The following MAGI1 variants were observed in gnomAD, a reference collection of about 807,000 sequenced individuals.
MAGI1 encodes the protein membrane-associated guanylate kinase, WW and PDZ domain-containing protein 1.
In MAGI1, 58 loss-of-function variants were observed where a neutral mutation model predicts 139.9. The ratio of observed to expected loss-of-function variants is 0.41; its 90% CI spans 0.34 to 0.52. The LOEUF (loss-of-function observed/expected upper bound fraction) is 0.52. Ranked by LOEUF, MAGI1 falls within the 20% of genes least tolerant of loss-of-function variation. The pLI is 0.12. For synonymous variants in MAGI1, 812 were observed against 737.9 expected (o/e 1.10, Z -1.63); for missense variants, 1,874 against 1,901.6 (o/e 0.99, Z 0.27).
At chr3:65,688,504 G>T in intron 1 of MAGI1, 1 of 445,534 alleles carries the variant, frequency 2.2e-6, no homozygotes, top group South Asian at 1.9e-5. Context: ...CAAGGGGGAA[G>T]ACTGAGGCTT....
rs112220299 is a variant in MAGI1, at chr3:65,779,522, C to T, written c.314-157434G>A. On this transcript the variant is annotated intron_variant, in intron 1 of 22. Coordinates refer to ENST00000402939, the MANE Select transcript of MAGI1 (RefSeq NM_001033057.2). ...ACTGTGAGATGATTTAAAAAGCAAA[C>T]TTTAGAAAGGTAAAGTTGAATCTCA... is the stretch of plus-strand genomic sequence containing the variant. Among the ~76,000 whole-genome samples, 1,219 of 152,334 alleles carry T rather than the reference C, an allele frequency of 8.0e-3. 16 individuals are homozygous for T. Among genetic ancestry groups the T allele is most frequent in the African/African-American group, 0.028 (1,147 of 41,584 alleles).
intron 1 of MAGI1, among the ~76,000 whole-genome samples, chr3:65,964,885 T>C (rs1453704972): frequency 1.3e-5 from 2 of 152,180 alleles, no homozygotes; most frequent in Non-Finnish European, 2.9e-5. Context: ...TTTGTGGATG[T>C]CCAGGCCACA....
At chr3:65,545,158 C>T (rs1524966) in intron 2 of MAGI1, among the ~76,000 whole-genome samples, 129,608 of 152,106 alleles carry the variant, frequency 0.85, 55,865 homozygotes, top group East Asian at 0.95. Context: ...CCTCATAATG[C>T]GTCACTTCTG....
At chr3:65,506,977 T>A (rs973407830) in intron 2 of MAGI1, among the ~76,000 whole-genome samples, 29 of 152,202 alleles carry the variant, frequency 1.9e-4, no homozygotes, top group Admixed American at 1.9e-3. Flanking sequence ...TACAGCGAAA[T>A]AGTCACGAAC....
chr3:65,357,556 T>C (rs1440803324), intron 22 of MAGI1, among the ~76,000 whole-genome samples: 2 of 151,458 alleles, frequency 1.3e-5, no homozygotes, highest in Admixed American at 6.6e-5. Flanking sequence ...TTCTTTGCTT[T>C]AAAGAATACT....
intron 2 of MAGI1, among the ~76,000 whole-genome samples, chr3:65,586,304 T>G (rs1559695159): frequency 6.6e-6 from 1 of 152,140 alleles, no homozygotes; most frequent in African/African-American, 2.4e-5. Flanking sequence ...TTATCCCACT[T>G]ACATGATATT....
chr3:65,898,858 T>C (rs1377639548), intron 1 of MAGI1, among the ~76,000 whole-genome samples: 1 of 152,196 alleles, frequency 6.6e-6, no homozygotes, highest in East Asian at 1.9e-4. Flanking sequence ...ATGTACCCCA[T>C]GAATATGTAC....
intron 2 of MAGI1, among the ~76,000 whole-genome samples, chr3:65,580,585 A>C (rs902903518): frequency 2.6e-5 from 4 of 152,218 alleles, no homozygotes; most frequent in African/African-American, 9.7e-5. Context: ...ACACCAGGAC[A>C]ATTAGAGCTG....
At chr3:65,634,909 T>G (rs1315989839) in intron 1 of MAGI1, among the ~76,000 whole-genome samples, 1 of 152,202 alleles carries the variant, frequency 6.6e-6, no homozygotes, top group Non-Finnish European at 1.5e-5. Context: ...TCATGATATC[T>G]GTACCCTAAA....
intron 2 of MAGI1, among the ~76,000 whole-genome samples, chr3:65,506,248 A>G (rs982768333): frequency 2.0e-5 from 3 of 152,184 alleles, no homozygotes; most frequent in East Asian, 3.9e-4. Context: ...TGCATGCCTC[A>G]TAAGACTGTG....
chr3:65,858,085 G>T (rs1480311614), intron 1 of MAGI1, among the ~76,000 whole-genome samples: 1 of 151,106 alleles, frequency 6.6e-6, no homozygotes, highest in African/African-American at 2.4e-5. Context: ...CTCCAGCCTG[G>T]GTGACAGAGA....
chr3:65,740,359 C>T (rs535355760), intron 1 of MAGI1, among the ~76,000 whole-genome samples: 38 of 152,194 alleles, frequency 2.5e-4, no homozygotes, highest in African/African-American at 9.2e-4. Context: ...AATTACTATC[C>T]CCATTGTACC....
intron 1 of MAGI1, among the ~76,000 whole-genome samples, chr3:65,931,590 A>C (rs2062810237): frequency 6.6e-6 from 1 of 152,212 alleles, no homozygotes; most frequent in Non-Finnish European, 1.5e-5. Context: ...ATTTGAGCCC[A>C]GAAGTCAAGG....
At chr3:65,607,683 C>G (rs1422846118) in intron 2 of MAGI1, among the ~76,000 whole-genome samples, 1 of 152,142 alleles carries the variant, frequency 6.6e-6, no homozygotes, top group Non-Finnish European at 1.5e-5. Context: ...AGTCCTATGT[C>G]TATATTTTAT....
chr3:65,897,815 A>T (rs1052720865), intron 1 of MAGI1, among the ~76,000 whole-genome samples: 4 of 151,898 alleles, frequency 2.6e-5, no homozygotes, highest in African/African-American at 9.7e-5. Context: ...GTGAGCTATG[A>T]TAGCACCACC....
At chr3:65,977,277 C>T (rs966334194) in intron 1 of MAGI1, among the ~76,000 whole-genome samples, 4 of 152,148 alleles carry the variant, frequency 2.6e-5, no homozygotes, top group African/African-American at 9.7e-5. Flanking sequence ...GTCACTGTCA[C>T]CCTCAACCTA....
chr3:66,017,208 C>T (rs376958253), intron 1 of MAGI1, among the ~76,000 whole-genome samples: 11 of 152,324 alleles, frequency 7.2e-5, no homozygotes, highest in African/African-American at 2.2e-4. Flanking sequence ...GTTGCACTGC[C>T]GGGAACCCCA....
chr3:65,877,661 T>C (rs1424585412), intron 1 of MAGI1, among the ~76,000 whole-genome samples: 1 of 152,144 alleles, frequency 6.6e-6, no homozygotes, highest in East Asian at 1.9e-4. Context: ...GTTCAAGCAA[T>C]TCTCCTGCCT....
Position 66,035,906 on chromosome 3 carries a change from T to G in MAGI1, c.313+2090A>C, listed in dbSNP as rs151095587. 3.9e-3 allele frequency among the ~76,000 whole-genome samples: 595 copies of G among 152,246 alleles called. 3 individuals are homozygous for G. The highest frequency in any genetic ancestry group is 0.014 in the Middle Eastern group (4 of 294). On this transcript the variant is annotated intron_variant, in intron 1 of 22. Coordinates refer to ENST00000402939, the MANE Select transcript of MAGI1 (RefSeq NM_001033057.2). ...GCCCTGGGACATCGCCTCCCAGAAA[T>G]TTGGCAACTAGTGGAAGGAAGAGAC...
Sources: allele counts gnomAD v4.1 joint callset (sites outside exome capture counted in the v4.1 genomes callset), GRCh38; gene constraint gnomAD v4.1.1; transcripts MANE v1.5; gene names NCBI Gene and HGNC (gene_info 2026-07-23, HGNC 2026-07-21).